PRKG1: variants seen among roughly 807,000 people sequenced by gnomAD.
The protein encoded by PRKG1 is cGMP-dependent protein kinase 1.
PRKG1 carries 35 observed loss-of-function variants against 88.1 expected under a neutral mutation model. The ratio of observed to expected loss-of-function variants is 0.40; its 90% CI spans 0.30 to 0.53. PRKG1 has a LOEUF of 0.53. Among genes scored for constraint, PRKG1 ranks in the 20% least tolerant of loss-of-function variants. The probability of loss-of-function intolerance (pLI) is 0.59; values close to 1 mark genes in which losing one functional copy is unlikely to be tolerated. For synonymous variants in PRKG1, 303 were observed against 292.5 expected (o/e 1.04, Z -0.37); for missense variants, 540 against 839.8 (o/e 0.64, Z 4.41).
At chr10:52,143,632 G>T (rs768903068) in intron 8 of PRKG1, among the ~76,000 whole-genome samples, 3 of 152,112 alleles carry the variant, frequency 2.0e-5, no homozygotes, top group Non-Finnish European at 2.9e-5. Context: ...GGGGAAGTCC[G>T]CTGGGGAAGC....
At chr10:52,175,995 C>T (rs1910543) in intron 9 of PRKG1, among the ~76,000 whole-genome samples, 150,300 of 152,134 alleles carry the variant, frequency 0.99, 74,270 homozygotes, top group East Asian at 1. Flanking sequence ...GCCTTTCAGA[C>T]TGATATAAGT....
intron 3 of PRKG1, among the ~76,000 whole-genome samples, chr10:51,790,038 A>T (rs892273176): frequency 1.3e-5 from 2 of 152,026 alleles, no homozygotes; most frequent in African/African-American, 4.8e-5. Context: ...GGCCAGGCTG[A>T]TGTCGAACTC....
At chr10:51,899,642 C>T (rs138203513) in intron 4 of PRKG1, among the ~76,000 whole-genome samples, 2 of 119,578 alleles carry the variant, frequency 1.7e-5, no homozygotes, top group South Asian at 2.6e-4. Context: ...TGGGCGACAG[C>T]GTGAGAGTCT....
chr10:51,641,120 C>A (rs1020510290), intron 3 of PRKG1, among the ~76,000 whole-genome samples: 1 of 151,914 alleles, frequency 6.6e-6, no homozygotes, highest in Non-Finnish European at 1.5e-5. Context: ...GTGAATTAAA[C>A]AATCATAAAT....
chr10:51,602,823 G>T (rs1838652654), intron 3 of PRKG1, among the ~76,000 whole-genome samples: 1 of 149,988 alleles, frequency 6.7e-6, no homozygotes. Flanking sequence ...GGTGACATGG[G>T]TTAAAAATTT....
intron 4 of PRKG1, among the ~76,000 whole-genome samples, chr10:51,843,613 A>G (rs1461210725): frequency 1.3e-5 from 2 of 152,200 alleles, no homozygotes; most frequent in Non-Finnish European, 2.9e-5. Flanking sequence ...CACTGAAGTA[A>G]CAGCTATGCT....
At chr10:51,570,049 G>GTATATATATATATATA (rs10617123) in intron 3 of PRKG1, among the ~76,000 whole-genome samples, 8 of 128,832 alleles carry the variant, frequency 6.2e-5, no homozygotes, top group African/African-American at 2.1e-4. Context: ...ACCCAAACTA[G>GTATATATATATATATA]TATATATATA....
chr10:51,643,358 A>G (rs1839844842), intron 3 of PRKG1, among the ~76,000 whole-genome samples: 1 of 152,192 alleles, frequency 6.6e-6, no homozygotes, highest in South Asian at 2.1e-4. Context: ...GACATCCTAA[A>G]ACCTGCTGAT....
chr10:51,580,006 T>C (rs1223068643), intron 3 of PRKG1, among the ~76,000 whole-genome samples: 1 of 152,144 alleles, frequency 6.6e-6, no homozygotes, highest in Non-Finnish European at 1.5e-5. Context: ...TCTACCTCTC[T>C]GGAAGTAATA....
intron 3 of PRKG1, among the ~76,000 whole-genome samples, chr10:51,679,404 T>C (rs1477680165): frequency 6.6e-6 from 1 of 152,172 alleles, no homozygotes; most frequent in Non-Finnish European, 1.5e-5. Flanking sequence ...TGTGAAGAGA[T>C]GGGATCCTTT....
intron 2 of PRKG1, among the ~76,000 whole-genome samples, chr10:51,421,645 C>G (rs377231238): frequency 5.4e-4 from 82 of 152,320 alleles, no homozygotes; most frequent in African/African-American, 1.8e-3. Flanking sequence ...TGTCTGTCTC[C>G]TGCACACTTG....
intron 2 of PRKG1, among the ~76,000 whole-genome samples, chr10:51,381,256 TAAAA>T (rs71029366): frequency 6.2e-5 from 2 of 32,054 alleles, no homozygotes; most frequent in African/African-American, 1.9e-4. Flanking sequence ...GCCTCCATCT[TAAAA>T]AAAAAAAAAA....
intron 2 of PRKG1, among the ~76,000 whole-genome samples, chr10:51,172,688 C>G (rs1294468532): frequency 1.5e-5 from 2 of 137,406 alleles, no homozygotes; most frequent in African/African-American, 5.4e-5. Context: ...ATCTATCTAT[C>G]TATCTATCTG....
At chr10:51,542,562 T>C (rs1431093906) in intron 3 of PRKG1, among the ~76,000 whole-genome samples, 1 of 152,138 alleles carries the variant, frequency 6.6e-6, no homozygotes, top group Non-Finnish European at 1.5e-5. Context: ...GGAAATGAAA[T>C]CTTTGTTTTT....
chr10:51,630,881 T>C (rs1839508691), intron 3 of PRKG1, among the ~76,000 whole-genome samples: 2 of 152,206 alleles, frequency 1.3e-5, no homozygotes, highest in Admixed American at 1.3e-4. Flanking sequence ...CACTGAATGA[T>C]GCTGTCAGTG....
intron 3 of PRKG1, among the ~76,000 whole-genome samples, chr10:51,618,638 A>T (rs1264791352): frequency 6.6e-6 from 1 of 152,234 alleles, no homozygotes; most frequent in East Asian, 1.9e-4. Context: ...GAAAGTCTGG[A>T]CTTAACAAGT....
chr10:52,120,543 A>T (rs755977429), intron 7 of PRKG1, among the ~76,000 whole-genome samples: 2 of 152,184 alleles, frequency 1.3e-5, no homozygotes, highest in Non-Finnish European at 2.9e-5. Context: ...CAGGCATAAG[A>T]TAGATATTTT....
At chr10:51,169,107 G>C (rs1371235310) in intron 2 of PRKG1, among the ~76,000 whole-genome samples, 1 of 152,150 alleles carries the variant, frequency 6.6e-6, no homozygotes, top group Non-Finnish European at 1.5e-5. Flanking sequence ...CAGCATTTTG[G>C]AGAGAGGAAA....
At chr10:52,245,928 T>A (rs190491273) in intron 9 of PRKG1, among the ~76,000 whole-genome samples, 49 of 152,224 alleles carry the variant, frequency 3.2e-4, no homozygotes, top group East Asian at 3.9e-4. Flanking sequence ...GGAACTATAG[T>A]TATGTTCCTT....
Sources: allele counts gnomAD v4.1 joint callset (sites outside exome capture counted in the v4.1 genomes callset), GRCh38; gene constraint gnomAD v4.1.1; transcripts MANE v1.5; gene names NCBI Gene and HGNC (gene_info 2026-07-23, HGNC 2026-07-21).